The following WDR26 variants were observed in gnomAD, a reference collection of about 807,000 sequenced individuals.
WDR26 encodes the protein WD repeat-containing protein 26.
WDR26 carries 5 observed loss-of-function variants against 84.1 expected under a neutral mutation model. The ratio of observed to expected loss-of-function variants is 0.06; its 90% CI spans 0.03 to 0.13. WDR26 has a LOEUF of 0.13. WDR26 is among the 10% of genes least tolerant of loss of function. The pLI, the probability that WDR26 is intolerant of heterozygous loss-of-function variation, is 1.00. For synonymous variants in WDR26, 415 were observed against 389.6 expected (o/e 1.07, Z -0.77); for missense variants, 642 against 974.9 (o/e 0.66, Z 4.55).
At chr1:224,413,410 G>A in intron 6 of WDR26, 1 of 667,774 alleles carries the variant, frequency 1.5e-6, no homozygotes, top group East Asian at 7.3e-5. Flanking sequence ...CTTAGCAGAT[G>A]GGTATTTGCA....
intron 7 of WDR26, among the ~76,000 whole-genome samples, chr1:224,406,501 A>G (rs1168735878): frequency 6.6e-6 from 1 of 152,244 alleles, no homozygotes; most frequent in Non-Finnish European, 1.5e-5. Flanking sequence ...AAGAAATGTC[A>G]TTGCAAAATG....
chr1:224,425,222 T>C (rs566647258), intron 3 of WDR26, among the ~76,000 whole-genome samples: 1 of 152,160 alleles, frequency 6.6e-6, no homozygotes, highest in South Asian at 2.1e-4. Context: ...CCAACAAATG[T>C]ACTACAAGTT....
chr1:224,413,872 C>T (rs746028300), intron 6 of WDR26, among the ~76,000 whole-genome samples: 3 of 152,112 alleles, frequency 2.0e-5, no homozygotes, highest in Admixed American at 6.6e-5. Flanking sequence ...TGCAGTGGTG[C>T]GATCTCTGCT....
chr1:224,401,698 A>AAAAAAAAAAAAAAAAAAAAAAAAAAAAAT (rs1673424407), intron 8 of WDR26, among the ~76,000 whole-genome samples: 1 of 43,170 alleles, frequency 2.3e-5, no homozygotes, highest in African/African-American at 7.6e-5. Flanking sequence ...AAGAAAAAAA[A>AAAAAAAAAAAAAAAAAAAAAAAAAAAAAT]AAAGAAAAAA....
At position 224,431,742 on chromosome 1, in the gene WDR26, A is replaced by G. The variant is rs1558448141; in HGVS notation, c.762T>C (p.Arg254=). The G allele has an allele frequency of 6.2e-7, 1 of 1,613,908 alleles. No individual in the cohort carries two copies. Among genetic ancestry groups the G allele is most frequent in the African/African-American group, 1.3e-5 (1 of 75,058 alleles). The change falls in exon 2 of 14, where the codon CGT becomes CGC. Residue 254 remains arginine, a synonymous_variant. Transcript: ENST00000414423. ...ATTTGGTAGCAGAAGGATGTTCTAA[A>G]CGACATCCTGACTCTTGCATGAGGA...
At chr1:224,426,133 C>T (rs11804538) in intron 3 of WDR26, among the ~76,000 whole-genome samples, 13,520 of 152,168 alleles carry the variant, frequency 0.089, 1,901 homozygotes, top group African/African-American at 0.3. Flanking sequence ...GCTGGGATTA[C>T]AGGCATGAGA....
intron 8 of WDR26, 88 bp downstream of exon 8, chr1:224,404,342 T>A: frequency 6.9e-7 from 1 of 1,448,946 alleles, no homozygotes; most frequent in Non-Finnish European, 9.2e-7. Flanking sequence ...TGAATGGTTA[T>A]ATTATATAAA....
chr1:224,392,154 G>T (rs1201919854), intron 13 of WDR26, among the ~76,000 whole-genome samples: 1 of 152,154 alleles, frequency 6.6e-6, no homozygotes, highest in African/African-American at 2.4e-5. Context: ...GAGGTCAGGA[G>T]ATCGAGACCA....
At chr1:224,428,087 C>T (rs1489832865) in intron 3 of WDR26, among the ~76,000 whole-genome samples, 1 of 152,164 alleles carries the variant, frequency 6.6e-6, no homozygotes, top group Non-Finnish European at 1.5e-5. Flanking sequence ...AGATCTCCTT[C>T]TCCATTTTAA....
intron 5 of WDR26, 54 bp from the exon 6 acceptor site, chr1:224,418,470 A>G (rs767882396): frequency 1.3e-4 from 186 of 1,476,500 alleles, no homozygotes; most frequent in Admixed American, 1.6e-4. Context: ...GTAAACTTTT[A>G]TTTAAGACAT....
rs1207618661 is a variant in WDR26, at chr1:224,434,034, C to CCCGCCGCCCCCTCCTCCTCCACCG, written c.348_371dup (p.Gly118_Gly125dup). ...CGAGTTCCGGGGTCTGTCCCTGGCC[C>CCCGCCGCCCCCTCCTCCTCCACCG]CCGCCGCCCCCTCCTCCTCCACCGC... On this transcript the variant is annotated inframe_insertion, in exon 1 of 14. Coordinates refer to ENST00000414423, the MANE Select transcript of WDR26 (RefSeq NM_001379403.1). The CCCGCCGCCCCCTCCTCCTCCACCG allele has an allele frequency of 3.2e-5, 47 of 1,465,762 alleles. No individual in the cohort carries two copies. The highest frequency in any genetic ancestry group is 4.1e-5 in the Non-Finnish European group (46 of 1,113,092). 90.8% of individuals were successfully genotyped at this position (1,465,762 alleles called of 1,614,324 possible). A position where few individuals can be genotyped will look rare whatever the true frequency, so the allele number is the denominator to read the frequency against.
intron 13 of WDR26, among the ~76,000 whole-genome samples, chr1:224,391,961 C>G (rs12143934): frequency 6.6e-6 from 1 of 152,138 alleles, no homozygotes; most frequent in Non-Finnish European, 1.5e-5. Flanking sequence ...GACCCAGATC[C>G]TACAAATTAG....
At chr1:224,398,745 G>C (rs1673328078) in intron 10 of WDR26, 144 bp downstream of exon 10, 2 of 1,217,114 alleles carry the variant, frequency 1.6e-6, no homozygotes, top group Non-Finnish European at 2.3e-6. Context: ...CTGAGTTACT[G>C]ATTACTAAGT....
intron 1 of WDR26, among the ~76,000 whole-genome samples, chr1:224,433,263 A>G (rs1320287092): frequency 1.3e-5 from 2 of 152,098 alleles, no homozygotes; most frequent in East Asian, 1.9e-4. Context: ...CCTCCAAGAT[A>G]CACTTGAAAA....
At chr1:224,410,462 T>A (rs1435331241) in intron 7 of WDR26, among the ~76,000 whole-genome samples, 32 of 151,984 alleles carry the variant, frequency 2.1e-4, no homozygotes. Flanking sequence ...AACAAATCCA[T>A]AGGTCATCTG....
Position 224,401,053 on chromosome 1 carries a change from G to T in WDR26, c.1616C>A (p.Thr539Lys), listed in dbSNP as rs765543739. 3 of 1,613,492 alleles carry T rather than the reference G, an allele frequency of 1.9e-6. No individual in the cohort carries two copies. The highest frequency in any genetic ancestry group is 2.5e-6 in the Non-Finnish European group (3 of 1,179,788). ...GTCTTCATGAGACTGGCTCATTTTT[G>T]TCCTTAGTTCTCCTGTCTATAAGGA... Residue 539 changes from threonine (T) to lysine (K), a missense_variant, in exon 9 of 14, where the codon ACA becomes AAA. Thr to Lys is a moderately conservative substitution (Grantham distance 78, BLOSUM62 -1). Around this residue, in one of 2 missense-constraint regions of WDR26, gnomAD observed 351 missense variants for 672.8 expected, o/e 0.52. Coordinates refer to ENST00000414423, the MANE Select transcript of WDR26 (RefSeq NM_001379403.1).
chr1:224,421,336 A>G (rs1417537108), intron 4 of WDR26, among the ~76,000 whole-genome samples: 3 of 152,252 alleles, frequency 2.0e-5, no homozygotes, highest in Non-Finnish European at 4.4e-5. Flanking sequence ...CTGTAATCCC[A>G]GCACTTTGGG....
chr1:224,390,464 G>A (rs1464866706), intron 13 of WDR26, among the ~76,000 whole-genome samples: 2 of 152,154 alleles, frequency 1.3e-5, no homozygotes, highest in African/African-American at 4.8e-5. Flanking sequence ...ATAGTTAGCA[G>A]AATAGATAAA....
Position 224,393,949 on chromosome 1 carries a change from T to C in WDR26, c.2139A>G (p.Thr713=), listed in dbSNP as rs776750308. 2.5e-6 allele frequency: 4 copies of C among 1,571,266 alleles called. No homozygotes were observed. The highest frequency in any genetic ancestry group is 3.5e-6 in the Non-Finnish European group (4 of 1,146,626). The change falls in exon 13 of 14, where the codon ACA becomes ACG. Residue 713 remains threonine, a synonymous_variant. Coordinates refer to ENST00000414423, the MANE Select transcript of WDR26 (RefSeq NM_001379403.1). Reference sequence around the variant, plus strand: ...TCCAGCTCACACAGTTTACTGTACGTGTGTGCCCTGTCAGCTCCGCAATTG... The same window carrying C: ...TCCAGCTCACACAGTTTACTGTACGCGTGTGCCCTGTCAGCTCCGCAATTG...
Sources: gnomAD v4.1 joint callset for allele counts (sites outside exome capture counted in the v4.1 genomes callset) on GRCh38, gnomAD v4.1.1 for gene constraint, gnomAD v4.1.1 regional missense constraint, MANE v1.5 for transcripts, NCBI Gene and HGNC (gene_info 2026-07-23, HGNC 2026-07-21) for gene names.